FAIM: variants seen among roughly 807,000 people sequenced by gnomAD.
The protein encoded by FAIM is Fas apoptotic inhibitory molecule, also known as fas apoptotic inhibitory molecule 1.
In FAIM, 14 loss-of-function variants were observed where a neutral mutation model predicts 21.2. That is an observed-to-expected ratio of 0.66 (90% CI 0.44 to 1.03). The LOEUF is 1.03. FAIM is among the 50% of genes least tolerant of loss of function. The pLI, the probability that FAIM is intolerant of heterozygous loss-of-function variation, is 0.00. For synonymous variants in FAIM, 86 were observed against 80.4 expected (o/e 1.07, Z -0.37); for missense variants, 222 against 247.1 (o/e 0.90, Z 0.68).
chr3:138,615,093 G>A (rs1008212919), intron 1 of FAIM, among the ~76,000 whole-genome samples: 4 of 152,184 alleles, frequency 2.6e-5, no homozygotes, highest in South Asian at 2.1e-4. Context: ...CCTACCTTAA[G>A]TGTCCTCAGA....
At chr3:138,609,541 T>C (rs980240519) in intron 1 of FAIM, among the ~76,000 whole-genome samples, 2 of 13,956 alleles carry the variant, frequency 1.4e-4, no homozygotes, top group Non-Finnish European at 3.1e-4. Flanking sequence ...AAACTCTCTC[T>C]CTCTCTCTCT....
intron 2 of FAIM, among the ~76,000 whole-genome samples, chr3:138,620,816 A>G (rs1258561000): frequency 6.6e-6 from 1 of 152,220 alleles, no homozygotes; most frequent in African/African-American, 2.4e-5. Flanking sequence ...TTAAAATAAG[A>G]TTTCCTGTAA....
At position 138,632,991 on chromosome 3, in the gene FAIM, TAAAGGCTGTCAGTAGTGG is replaced by T; in HGVS notation, c.519_536del (p.Ile173_Gly179delinsMet). ...AGTATCGGGAACCATGACTGTTACA[TAAAGGCTGTCAGTAGTGG>T]GAAGCGGAAAGAAGGGATTATTCAT... is the stretch of plus-strand genomic sequence containing the variant. On this transcript the variant is annotated inframe_deletion, in exon 6 of 6. Transcript: ENST00000360570. The T allele has an allele frequency of 6.2e-7, 1 of 1,613,882 alleles. No individual in the cohort carries two copies. The highest frequency in any genetic ancestry group is 8.5e-7 in the Non-Finnish European group (1 of 1,179,880).
At chr3:138,622,972 G>A (rs189058925) in intron 4 of FAIM, among the ~76,000 whole-genome samples, 4 of 151,146 alleles carry the variant, frequency 2.6e-5, no homozygotes, top group Admixed American at 2.0e-4. Context: ...TCCAGGAGGC[G>A]GAGATTGCAA....
At chr3:138,615,763 G>C (rs946511559) in intron 1 of FAIM, among the ~76,000 whole-genome samples, 1 of 152,168 alleles carries the variant, frequency 6.6e-6, no homozygotes, top group Non-Finnish European at 1.5e-5. Flanking sequence ...GCTATTAAGA[G>C]TGTTTTCTAT....
intron 4 of FAIM, among the ~76,000 whole-genome samples, chr3:138,628,654 A>G (rs1010053883): frequency 6.6e-6 from 1 of 151,428 alleles, no homozygotes; most frequent in Admixed American, 6.6e-5. Flanking sequence ...CCGGCTAATT[A>G]TTGTATTTTT....
intron 3 of FAIM, 102 bp downstream of exon 3, chr3:138,621,641 T>G: frequency 9.7e-7 from 1 of 1,036,156 alleles, no homozygotes; most frequent in South Asian, 1.7e-5. Context: ...TTTTTTCTTG[T>G]AGTCATGTTT....
At chr3:138,625,739 A>C (rs2042932366) in intron 4 of FAIM, among the ~76,000 whole-genome samples, 1 of 152,196 alleles carries the variant, frequency 6.6e-6, no homozygotes, top group African/African-American at 2.4e-5. Flanking sequence ...AATTATTTCT[A>C]ACCCTTATAA....
intron 4 of FAIM, among the ~76,000 whole-genome samples, chr3:138,623,695 C>T (rs1443656557): frequency 1.3e-5 from 2 of 152,140 alleles, no homozygotes; most frequent in South Asian, 4.1e-4. Context: ...CAACAATATT[C>T]TTGGAAGTCT....
chr3:138,618,532 G>T (rs1167628610), intron 1 of FAIM, among the ~76,000 whole-genome samples: 1 of 152,076 alleles, frequency 6.6e-6, no homozygotes, highest in Non-Finnish European at 1.5e-5. Context: ...GCCGGATGTG[G>T]TGGCATGCAG....
chr3:138,625,598 C>A (rs1033030923), intron 4 of FAIM, among the ~76,000 whole-genome samples: 1 of 152,054 alleles, frequency 6.6e-6, no homozygotes, highest in Non-Finnish European at 1.5e-5. Flanking sequence ...TTTCAAATAA[C>A]AATATTATAT....
intron 1 of FAIM, among the ~76,000 whole-genome samples, chr3:138,609,445 A>AC (rs1449561424): frequency 9.2e-5 from 14 of 151,908 alleles, no homozygotes; most frequent in African/African-American, 3.4e-4. Context: ...AGCTGCGTTA[A>AC]CATGAGGGTG....
chr3:138,616,522 G>A (rs964847821), intron 1 of FAIM, among the ~76,000 whole-genome samples: 2 of 151,892 alleles, frequency 1.3e-5, no homozygotes, highest in South Asian at 2.1e-4. Flanking sequence ...CTATAGGCAC[G>A]TGCCACCACA....
intron 5 of FAIM, among the ~76,000 whole-genome samples, chr3:138,632,055 T>A (rs2043011317): frequency 6.6e-6 from 1 of 151,982 alleles, no homozygotes; most frequent in Non-Finnish European, 1.5e-5. Context: ...CTTTTTTTTA[T>A]CCTCTAAGCC....
chr3:138,615,846 G>T (rs2042820565), intron 1 of FAIM, among the ~76,000 whole-genome samples: 1 of 152,208 alleles, frequency 6.6e-6, no homozygotes, highest in South Asian at 2.1e-4. Flanking sequence ...GGAATGGAAT[G>T]TGTAAACTGA....
At chr3:138,632,289 G>A (rs564333737) in intron 5 of FAIM, among the ~76,000 whole-genome samples, 12 of 151,648 alleles carry the variant, frequency 7.9e-5, no homozygotes, top group African/African-American at 2.9e-4. Context: ...AGTATAAAAA[G>A]TTATTTTATA....
At chr3:138,609,635 C>T (rs946051930) in intron 1 of FAIM, among the ~76,000 whole-genome samples, 10 of 146,314 alleles carry the variant, frequency 6.8e-5, no homozygotes, top group Non-Finnish European at 1.3e-4. Flanking sequence ...CTCTCTCTCT[C>T]TCTCTCGACT....
intron 3 of FAIM, 136 bp downstream of exon 3, chr3:138,621,675 T>C: frequency 1.5e-6 from 1 of 686,390 alleles, no homozygotes; most frequent in Non-Finnish European, 2.3e-6. Context: ...TTTTGCTGTG[T>C]AAAGCAAACA....
At chr3:138,625,294 C>T (rs954529175) in intron 4 of FAIM, among the ~76,000 whole-genome samples, 3 of 151,978 alleles carry the variant, frequency 2.0e-5, no homozygotes, top group African/African-American at 7.2e-5. Flanking sequence ...GAAACCCCAT[C>T]TCTACTAAAA....
Sources: gnomAD v4.1 joint callset for allele counts (sites outside exome capture counted in the v4.1 genomes callset) on GRCh38, gnomAD v4.1.1 for gene constraint, MANE v1.5 for transcripts, NCBI Gene and HGNC (gene_info 2026-07-23, HGNC 2026-07-21) for gene names.